The following MYO16 variants were observed in gnomAD, a reference collection of about 807,000 sequenced individuals.
MYO16 encodes the protein myosin XVI.
A neutral mutation model predicts 205.3 loss-of-function variants in MYO16; 94 were observed. That is an observed-to-expected ratio of 0.46 (90% CI 0.39 to 0.54). The LOEUF is 0.54. Among genes scored for constraint, MYO16 ranks in the 20% least tolerant of loss-of-function variants. The pLI is 0.00. For missense variants in MYO16, 2,315 were observed against 2,387.5 expected, an observed-to-expected ratio of 0.97 and a Z score of 0.63; for synonymous variants, 988 against 954.0, an observed-to-expected ratio of 1.04 and a Z score of -0.66.
At position 108,982,315 on chromosome 13, in the gene MYO16, A is replaced by G. The variant is rs117916940; in HGVS notation, c.2370-10061A>G. On this transcript the variant is annotated intron_variant, in intron 20 of 34. Coordinates refer to ENST00000457511, the MANE Select transcript of MYO16 (RefSeq NM_001198950.3). ...ACTTTCACTCTAATAACCATTTACT[A>G]TATATGTGTATCTCATAGCATCATA... Among the ~76,000 whole-genome samples, 527 of 152,334 alleles carry G rather than the reference A, an allele frequency of 3.5e-3. 1 individual carries two copies. The highest frequency in any genetic ancestry group is 5.8e-3 in the Non-Finnish European group (397 of 68,022).
At chr13:108,639,382 A>G (rs1326157480) in intron 1 of MYO16, among the ~76,000 whole-genome samples, 1 of 152,084 alleles carries the variant, frequency 6.6e-6, no homozygotes, top group Non-Finnish European at 1.5e-5. Context: ...TAATTATTTC[A>G]TCTCCAACAT....
At chr13:108,991,945 AGTTTAAGG>A (rs1321449913) in intron 20 of MYO16, among the ~76,000 whole-genome samples, 2 of 152,048 alleles carry the variant, frequency 1.3e-5, no homozygotes, top group Admixed American at 1.3e-4. Context: ...AAAATTTTTA[AGTTTAAGG>A]GTGCATGTAC....
intron 2 of MYO16, among the ~76,000 whole-genome samples, chr13:108,709,290 A>C (rs770308931): frequency 2.0e-5 from 3 of 152,168 alleles, no homozygotes; most frequent in Non-Finnish European, 2.9e-5. Context: ...TTTTAACAGA[A>C]ATTTGGGTAA....
At chr13:108,674,553 G>A (rs1174582043) in intron 2 of MYO16, among the ~76,000 whole-genome samples, 2 of 152,174 alleles carry the variant, frequency 1.3e-5, no homozygotes, top group Non-Finnish European at 2.9e-5. Flanking sequence ...TAAATTGGCA[G>A]TTTGAAAATG....
intron 3 of MYO16, among the ~76,000 whole-genome samples, chr13:108,724,431 T>C (rs58395332): frequency 0.25 from 37,390 of 152,074 alleles, 5,686 homozygotes; most frequent in African/African-American, 0.44. Context: ...TATTAGCTCT[T>C]GCTTTGTTAT....
At chr13:108,523,552 A>G in the MYO16 span, among the ~76,000 whole-genome samples, 1 of 152,030 alleles carries the variant, frequency 6.6e-6, no homozygotes, top group African/African-American at 2.4e-5. Flanking sequence ...CCACCTTCCC[A>G]TCTTATTCAA....
the MYO16 span, among the ~76,000 whole-genome samples, chr13:108,526,880 T>G: frequency 6.6e-6 from 1 of 152,184 alleles, no homozygotes; most frequent in Admixed American, 6.5e-5. Flanking sequence ...CAGAGTACTG[T>G]CAGGGTTATA....
At chr13:109,203,424 CTT>C (rs113717486) in intron 34 of MYO16, among the ~76,000 whole-genome samples, 112 of 145,152 alleles carry the variant, frequency 7.7e-4, no homozygotes, top group African/African-American at 2.7e-3. Flanking sequence ...TTTATGTTGA[CTT>C]TTTTTTTTTT....
chr13:108,785,396 C>A (rs1000451921), intron 4 of MYO16, among the ~76,000 whole-genome samples: 2 of 152,178 alleles, frequency 1.3e-5, no homozygotes, highest in African/African-American at 4.8e-5. Flanking sequence ...TGAGGAGAGG[C>A]AGCTGGGGCC....
intron 28 of MYO16, among the ~76,000 whole-genome samples, chr13:109,118,102 C>T (rs934954581): frequency 5.3e-5 from 8 of 152,184 alleles, no homozygotes; most frequent in Non-Finnish European, 1.2e-4. Flanking sequence ...GAAATTCCTG[C>T]TTATCCCTCA....
chr13:108,954,537 T>C (rs1883274543), intron 16 of MYO16, among the ~76,000 whole-genome samples: 1 of 152,144 alleles, frequency 6.6e-6, no homozygotes, highest in Non-Finnish European at 1.5e-5. Context: ...GATCAGGAGT[T>C]CAAGACCAGC....
rs1221946686 is a variant in MYO16, at chr13:108,844,250, C to G, written c.1098-93C>G. The G allele has an allele frequency of 5.1e-6, 5 of 985,230 alleles. No individual in the cohort carries two copies. The African/African-American group carries it at 8.3e-5, about 16-fold the overall frequency. 61.0% of individuals were successfully genotyped at this position (985,230 alleles called of 1,614,324 possible). On this transcript the variant is annotated intron_variant, in intron 9 of 34. Coordinates refer to ENST00000457511, the MANE Select transcript of MYO16 (RefSeq NM_001198950.3). ...GAAATATTTCTTATCTGAATAAAAC[C>G]ACCGTCATAGTCCAACTATCCTGTA...
the MYO16 span, among the ~76,000 whole-genome samples, chr13:108,538,240 G>T: frequency 1.3e-5 from 2 of 152,020 alleles, no homozygotes; most frequent in Non-Finnish European, 2.9e-5. Context: ...GGTTCAAGGT[G>T]GGATCAGAAC....
intron 14 of MYO16, among the ~76,000 whole-genome samples, chr13:108,891,668 G>C (rs1021757591): frequency 2.0e-5 from 3 of 152,212 alleles, no homozygotes; most frequent in East Asian, 1.9e-4. Flanking sequence ...AGGTGCCTCT[G>C]ATGCTGACAT....
chr13:108,817,338 T>G (rs1875675123), intron 7 of MYO16, among the ~76,000 whole-genome samples: 1 of 152,206 alleles, frequency 6.6e-6, no homozygotes, highest in Non-Finnish European at 1.5e-5. Flanking sequence ...GGACTACAAC[T>G]CAACAATGAA....
At chr13:109,071,120 G>T (rs1169597268) in intron 27 of MYO16, among the ~76,000 whole-genome samples, 2 of 152,084 alleles carry the variant, frequency 1.3e-5, no homozygotes, top group Non-Finnish European at 2.9e-5. Flanking sequence ...AAAATAATTT[G>T]TTTTATTGTC....
the MYO16 span, among the ~76,000 whole-genome samples, chr13:108,524,313 AAT>A: frequency 9.5e-4 from 1 of 1,056 alleles, no homozygotes; most frequent in African/African-American, 1.3e-3. Context: ...TCCAAAAAAA[AAT>A]AAATAAATAA....
chr13:109,052,578 G>A (rs1887280818), intron 25 of MYO16, 103 bp downstream of exon 25: 11 of 845,944 alleles, frequency 1.3e-5, no homozygotes, highest in East Asian at 2.7e-5. Context: ...CAAGGAAATA[G>A]ATATTCTAAT....
chr13:108,708,265 C>A (rs1211531344), intron 2 of MYO16, among the ~76,000 whole-genome samples: 2 of 152,164 alleles, frequency 1.3e-5, no homozygotes, highest in Non-Finnish European at 2.9e-5. Flanking sequence ...TGCTTCTCTT[C>A]TTGATTGACA....
Sources: gnomAD v4.1 joint callset for allele counts (sites outside exome capture counted in the v4.1 genomes callset) on GRCh38, gnomAD v4.1.1 for gene constraint, MANE v1.5 for transcripts, NCBI Gene and HGNC (gene_info 2026-07-23, HGNC 2026-07-21) for gene names.